The following FRY variants were observed in gnomAD, a reference collection of about 807,000 sequenced individuals.
FRY encodes the protein protein furry homolog.
FRY carries 128 observed loss-of-function variants against 348.4 expected under a neutral mutation model. The observed-to-expected ratio is 0.37, with a 90% CI of 0.32 to 0.43. The LOEUF (loss-of-function observed/expected upper bound fraction) is 0.43, where lower values mean the gene tolerates loss of function less well. Ranked by LOEUF, FRY falls within the 20% of genes least tolerant of loss-of-function variation. FRY has a pLI of 1.00. For missense variants in FRY, 2,736 were observed against 3,695.2 expected, an observed-to-expected ratio of 0.74 and a Z score of 6.73; for synonymous variants, 1,370 against 1,374.7, an observed-to-expected ratio of 1.00 and a Z score of 0.08.
At position 32,218,817 on chromosome 13, in the gene FRY, A is replaced by G. The variant is rs1161980472; in HGVS notation, c.4751A>G (p.Tyr1584Cys). 2 of 1,597,348 alleles carry G rather than the reference A, an allele frequency of 1.3e-6. No homozygotes were observed. The highest frequency in any genetic ancestry group is 1.7e-6 in the Non-Finnish European group (2 of 1,164,788). Reference protein sequence around the residue: ...SRYSNSSGGSYDEDKNDPISP... With the variant: ...SRYSNSSGGSCDEDKNDPISP... ...TACAGCAATAGCTCTGGAGGATCCT[A>G]CGATGAAGATAAAAGTAAGTACCAA... The change falls in exon 36 of 61, where the codon TAC becomes TGC. Residue 1584 changes from tyrosine to cysteine, a missense_variant. By Grantham distance (194) the Tyr-to-Cys change is radical. Coordinates refer to ENST00000542859, the MANE Select transcript of FRY (RefSeq NM_023037.3).
chr13:32,086,689 T>C (rs1314007791), intron 2 of FRY, among the ~76,000 whole-genome samples: 1 of 152,174 alleles, frequency 6.6e-6, no homozygotes, highest in African/African-American at 2.4e-5. Context: ...AGTAATTTAC[T>C]GTGTTTTGAT....
chr13:32,289,970 G>A (rs921102938), intron 59 of FRY, among the ~76,000 whole-genome samples: 11 of 152,174 alleles, frequency 7.2e-5, no homozygotes, highest in East Asian at 1.9e-4. Context: ...ATTTAAGAAC[G>A]CGTGTAGGAA....
Position 32,134,887 on chromosome 13 carries a change from C to A in FRY, c.886-17C>A, listed in dbSNP as rs374824933. The stretch of plus-strand genomic sequence containing the variant: ...TCAACCTACTCTCCCTCCCTATACT[C>A]TTTTTCTGCTTCCCAGGAATGTGCA... On this transcript the variant is annotated splice_polypyrimidine_tract_variant and intron_variant, in intron 8 of 60. Coordinates refer to ENST00000542859, the MANE Select transcript of FRY (RefSeq NM_023037.3). 5.1e-5 allele frequency: 78 copies of A among 1,529,050 alleles called. No homozygotes were observed. In the African/African-American group the frequency reaches 1.0e-3, roughly 20 times the overall value. The allele number at this position is 1,529,050 out of a possible 1,614,324, so 94.7% of individuals were successfully genotyped here.
intron 58 of FRY, among the ~76,000 whole-genome samples, chr13:32,279,986 G>A (rs1168907006): frequency 6.6e-6 from 1 of 152,098 alleles, no homozygotes; most frequent in African/African-American, 2.4e-5. Flanking sequence ...TGAAGTAGAG[G>A]TTGCATTTCC....
In FRY at chr13:32,221,202, C is replaced by T. The variant is rs1001938101; in HGVS notation, c.4765+2371C>T. 3.0e-4 allele frequency among the ~76,000 whole-genome samples: 45 copies of T among 152,202 alleles called. 1 individual carries two copies. Among genetic ancestry groups the T allele is most frequent in the Non-Finnish European group, 1.5e-4 (10 of 68,036 alleles). Reference sequence around the variant, plus strand: ...CAGTTGTCACAACAGGAAGACACCCCTCCACCAGCTCTGTAAATGTTAAGG... The same window carrying T: ...CAGTTGTCACAACAGGAAGACACCCTTCCACCAGCTCTGTAAATGTTAAGG... On this transcript the variant is annotated intron_variant, in intron 36 of 60. Transcript: ENST00000542859.
chr13:32,130,980 TA>T (rs1169881487), intron 7 of FRY, among the ~76,000 whole-genome samples: 1 of 152,120 alleles, frequency 6.6e-6, no homozygotes, highest in Non-Finnish European at 1.5e-5. Context: ...CACACCTGGC[TA>T]ATTTTTGTAT....
At chr13:32,234,394 G>A (rs1886103351) in intron 41 of FRY, among the ~76,000 whole-genome samples, 180 bp from the exon 42 acceptor site, 1 of 152,060 alleles carries the variant, frequency 6.6e-6, no homozygotes, top group Admixed American at 6.6e-5. Flanking sequence ...CTGCACTCCA[G>A]CCTGGGCAGC....
At chr13:32,245,102 A>C (rs543183040) in intron 47 of FRY, among the ~76,000 whole-genome samples, 2 of 152,110 alleles carry the variant, frequency 1.3e-5, no homozygotes, top group Non-Finnish European at 2.9e-5. Flanking sequence ...GGCGTGTGCC[A>C]CCACGCCCGG....
chr13:32,210,943 G>C lies in FRY; in HGVS notation c.4500G>C (p.Gln1500His). The change falls in exon 34 of 61, where the codon CAG (glutamine) becomes CAC (histidine). Residue 1500 changes from glutamine (Q) to histidine (H), a missense_variant. By Grantham distance (24) the Gln-to-His change is conservative. Coordinates refer to ENST00000542859, the MANE Select transcript of FRY (RefSeq NM_023037.3). ...TMEELLFELQ[Q>H]TEPVNPIVQH... ...AAGAGCTTCTCTTTGAGCTGCAGCA[G>C]ACAGAGCCCGTGAACCCCATCGTCC... The C allele has an allele frequency of 6.2e-7, 1 of 1,613,972 alleles. No homozygotes were observed. The highest frequency in any genetic ancestry group is 8.5e-7 in the Non-Finnish European group (1 of 1,179,868).
At chr13:32,082,324 T>C (rs932279094) in intron 2 of FRY, among the ~76,000 whole-genome samples, 1 of 152,158 alleles carries the variant, frequency 6.6e-6, no homozygotes, top group African/African-American at 2.4e-5. Flanking sequence ...TGGCTCTTTG[T>C]ACCCAAAAGA....
chr13:32,268,850 T>C (rs925471618), intron 55 of FRY, among the ~76,000 whole-genome samples: 2 of 152,014 alleles, frequency 1.3e-5, no homozygotes, highest in Non-Finnish European at 2.9e-5. Context: ...TGTTTTTCTA[T>C]AATAAAAAAT....
intron 1 of FRY, among the ~76,000 whole-genome samples, chr13:32,063,549 G>A (rs1874069447): frequency 6.6e-6 from 1 of 152,174 alleles, no homozygotes. Flanking sequence ...ACAGCTTTGT[G>A]AAACAGTGCT....
chr13:32,245,976 A>G (rs567104284), intron 47 of FRY, among the ~76,000 whole-genome samples: 11 of 152,324 alleles, frequency 7.2e-5, no homozygotes, highest in African/African-American at 2.4e-4. Flanking sequence ...GCTGAAAGTG[A>G]CTTCCAAGCA....
At chr13:32,052,565 C>T (rs2138409545) in intron 1 of FRY, among the ~76,000 whole-genome samples, 1 of 152,228 alleles carries the variant, frequency 6.6e-6, no homozygotes, top group African/African-American at 2.4e-5. Context: ...ATCAGCATAA[C>T]TATTAATAAA....
At chr13:32,242,183 CAAGT>C (rs1886544195) in intron 46 of FRY, among the ~76,000 whole-genome samples, 2 of 152,272 alleles carry the variant, frequency 1.3e-5, no homozygotes, top group African/African-American at 4.8e-5. Flanking sequence ...GAAATTTGAT[CAAGT>C]AATAATAGAT....
intron 54 of FRY, 87 bp from the exon 55 acceptor site, chr13:32,267,083 G>A: frequency 8.2e-7 from 1 of 1,222,164 alleles, no homozygotes; most frequent in Non-Finnish European, 1.2e-6. Context: ...ACCTCATTTT[G>A]CTGACTCTCA....
At chr13:32,147,699 T>C (rs1158796360) in intron 12 of FRY, 140 bp from the exon 13 acceptor site, 4 of 714,574 alleles carry the variant, frequency 5.6e-6, no homozygotes, top group African/African-American at 1.8e-5. Context: ...ATTATGCTAA[T>C]GGAAAGAGGT....
intron 54 of FRY, 58 bp from the exon 55 acceptor site, chr13:32,267,112 C>A: frequency 1.4e-6 from 2 of 1,471,756 alleles, no homozygotes; most frequent in South Asian, 1.1e-5. Context: ...ATTTATAAAA[C>A]CCAGTATAGG....
In FRY at chr13:32,262,440, G is replaced by A; in HGVS notation, c.7744G>A (p.Asp2582Asn). The change falls in exon 53 of 61, where the codon GAT becomes AAT. Residue 2582 changes from aspartate (D) to asparagine (N), a missense_variant. This residue lies in a region of FRY where 789 missense variants were observed against 996.2 expected (regional missense o/e 0.79). Coordinates refer to ENST00000542859, the MANE Select transcript of FRY (RefSeq NM_023037.3). Reference protein sequence around the residue: ...RMSSFDASLPDMNNLQISEGS... With the variant: ...RMSSFDASLPNMNNLQISEGS... ...GTCCAGCTTTGATGCTTCCTTGCCT[G>A]ATATGAATAATCTGCAGATTTCTGA... The A allele has an allele frequency of 6.2e-7, 1 of 1,613,604 alleles. No individual in the cohort carries two copies. The highest frequency in any genetic ancestry group is 8.5e-7 in the Non-Finnish European group (1 of 1,179,618).
Sources: gnomAD v4.1 joint callset for allele counts (sites outside exome capture counted in the v4.1 genomes callset) on GRCh38, gnomAD v4.1.1 for gene constraint, gnomAD v4.1.1 regional missense constraint, MANE v1.5 for transcripts, NCBI Gene and HGNC (gene_info 2026-07-23, HGNC 2026-07-21) for gene names.